Variants in PRR16 observed in about 807,000 individuals in gnomAD.
PRR16 encodes the protein proline rich 16, also known as protein Largen.
Under a neutral mutation model 18.2 loss-of-function variants are expected in PRR16, and 6 were observed. The ratio of observed to expected loss-of-function variants is 0.33; its 90% CI spans 0.18 to 0.65. The LOEUF is 0.65. Ranked by LOEUF, PRR16 falls within the 30% of genes least tolerant of loss-of-function variation. The probability of loss-of-function intolerance (pLI) is 0.74; values close to 1 mark genes in which losing one functional copy is unlikely to be tolerated. For missense variants in PRR16, 412 were observed against 376.6 expected, an observed-to-expected ratio of 1.09 and a Z score of -0.78; for synonymous variants, 151 against 147.8, an observed-to-expected ratio of 1.02 and a Z score of -0.16.
At chr5:120,538,855 C>G (rs1296783193) in intron 1 of PRR16, among the ~76,000 whole-genome samples, 1 of 152,178 alleles carries the variant, frequency 6.6e-6, no homozygotes, top group Non-Finnish European at 1.5e-5. Context: ...GCATGTGCAG[C>G]CTGCTTAGGG....
chr5:120,655,118 A>G (rs1755922389), intron 1 of PRR16, among the ~76,000 whole-genome samples: 1 of 152,048 alleles, frequency 6.6e-6, no homozygotes, highest in South Asian at 2.1e-4. Flanking sequence ...AAAGAGAAAT[A>G]AAATGATATT....
At position 120,551,604 on chromosome 5, in the gene PRR16, C is replaced by G. The variant is rs185614054; in HGVS notation, c.159+86959C>G. Among the ~76,000 whole-genome samples, 264 of 152,086 alleles carry G rather than the reference C, an allele frequency of 1.7e-3. 1 individual carries two copies. Among genetic ancestry groups the G allele is most frequent in the African/African-American group, 6.0e-3 (251 of 41,514 alleles). ...CTTAAAGTTAAGCTTTAGCAAATAT[C>G]ACTGTGTGTTAAATGCAATGTTTTC... On this transcript the variant is annotated intron_variant, in intron 1 of 1. Coordinates refer to ENST00000407149, the MANE Select transcript of PRR16 (RefSeq NM_001300783.2).
chr5:120,500,008 C>G (rs1750393634), intron 1 of PRR16, among the ~76,000 whole-genome samples: 2 of 151,812 alleles, frequency 1.3e-5, no homozygotes, highest in Admixed American at 1.3e-4. Flanking sequence ...TATTAACCTC[C>G]AGTCTCTATC....
At chr5:120,634,808 C>A (rs553551306) in intron 1 of PRR16, among the ~76,000 whole-genome samples, 14 of 151,810 alleles carry the variant, frequency 9.2e-5, no homozygotes, top group African/African-American at 3.4e-4. Context: ...AACAAAAATA[C>A]AACAGATCAA....
At chr5:120,627,519 A>G (rs1754906376) in intron 1 of PRR16, among the ~76,000 whole-genome samples, 1 of 152,082 alleles carries the variant, frequency 6.6e-6, no homozygotes, top group African/African-American at 2.4e-5. Flanking sequence ...GCATCTACCA[A>G]TAGACAGATG....
At chr5:120,722,833 A>G in the PRR16 span, among the ~76,000 whole-genome samples, 1 of 126,434 alleles carries the variant, frequency 7.9e-6, no homozygotes, top group African/African-American at 2.6e-5. Flanking sequence ...TAGCAATAGC[A>G]CCTGGAGTTG....
downstream of PRR16, among the ~76,000 whole-genome samples, chr5:120,687,762 G>A (rs902992186): frequency 1.3e-5 from 2 of 152,160 alleles, no homozygotes; most frequent in Non-Finnish European, 2.9e-5. Flanking sequence ...ACCATGGGCC[G>A]TTGCTGTCTT....
At chr5:120,640,852 A>G (rs1755398795) in intron 1 of PRR16, among the ~76,000 whole-genome samples, 1 of 152,172 alleles carries the variant, frequency 6.6e-6, no homozygotes, top group Non-Finnish European at 1.5e-5. Flanking sequence ...CTTTAAATTG[A>G]ACTGGCTTAT....
chr5:120,542,297 T>G (rs1174531420), intron 1 of PRR16, among the ~76,000 whole-genome samples: 1 of 152,208 alleles, frequency 6.6e-6, no homozygotes, highest in Non-Finnish European at 1.5e-5. Flanking sequence ...TATGGCATTC[T>G]CATCTTTATT....
chr5:120,541,577 G>A lies in PRR16; in HGVS notation c.159+76932G>A, dbSNP rs117218230. 2.2e-4 allele frequency among the ~76,000 whole-genome samples: 34 copies of A among 152,292 alleles called. 1 individual carries two copies. In the East Asian group the frequency reaches 6.4e-3, roughly 29 times the overall value. On this transcript the variant is annotated intron_variant, in intron 1 of 1. Transcript: ENST00000407149. ...GTGCATTCTACTTTCAAGAACTAAT[G>A]ACAAGCAATTAAATAATATATTCAG...
At chr5:120,516,001 G>A (rs1042359297) in intron 1 of PRR16, among the ~76,000 whole-genome samples, 4 of 151,962 alleles carry the variant, frequency 2.6e-5, no homozygotes, top group African/African-American at 9.7e-5. Context: ...TGACAATTTT[G>A]TGTAAACAAT....
chr5:120,588,968 G>A lies in PRR16; in HGVS notation c.160-96986G>A, dbSNP rs190659613. Among the ~76,000 whole-genome samples the A allele has an allele frequency of 1.5e-3, 234 of 151,708 alleles. 2 individuals carry two copies. The highest frequency in any genetic ancestry group is 5.4e-3 in the African/African-American group (224 of 41,358). ...GCCCAGTTCTACCATTAATTTCTAGGCAGAAAAGTCCTAGTAAACTTCCTG... is the reference window on the plus strand; with the variant it reads ...GCCCAGTTCTACCATTAATTTCTAGACAGAAAAGTCCTAGTAAACTTCCTG... On this transcript the variant is annotated intron_variant, in intron 1 of 1. Coordinates refer to ENST00000407149, the MANE Select transcript of PRR16 (RefSeq NM_001300783.2).
intron 1 of PRR16, among the ~76,000 whole-genome samples, chr5:120,615,215 C>T (rs1396823050): frequency 1.3e-5 from 2 of 152,048 alleles, no homozygotes; most frequent in African/African-American, 2.4e-5. Context: ...GAAATAGCCC[C>T]CAAGTACCTT....
the PRR16 span, among the ~76,000 whole-genome samples, chr5:120,700,615 A>G: frequency 5.9e-5 from 9 of 152,020 alleles, no homozygotes; most frequent in Admixed American, 2.6e-4. Context: ...TTAAAAGAGT[A>G]TTGTCCAAGT....
the PRR16 span, among the ~76,000 whole-genome samples, chr5:120,709,386 T>C: frequency 1.3e-5 from 2 of 152,296 alleles, no homozygotes; most frequent in Non-Finnish European, 2.9e-5. Flanking sequence ...TGTTCATATT[T>C]ATGGGGTACA....
chr5:120,625,061 T>C (rs956728678), intron 1 of PRR16, among the ~76,000 whole-genome samples: 1 of 152,190 alleles, frequency 6.6e-6, no homozygotes, highest in Non-Finnish European at 1.5e-5. Context: ...TTGCCCAGTC[T>C]TGCATATGTC....
At chr5:120,626,562 C>A (rs1754872118) in intron 1 of PRR16, among the ~76,000 whole-genome samples, 1 of 152,038 alleles carries the variant, frequency 6.6e-6, no homozygotes, top group Non-Finnish European at 1.5e-5. Context: ...TACTAAATAG[C>A]ATTTATCTAA....
At chr5:120,493,654 T>A (rs1324264462) in intron 1 of PRR16, among the ~76,000 whole-genome samples, 1 of 152,148 alleles carries the variant, frequency 6.6e-6, no homozygotes, top group Non-Finnish European at 1.5e-5. Flanking sequence ...GGATCTCTCC[T>A]ATTGCCCTTT....
At chr5:120,578,128 G>C (rs976819088) in intron 1 of PRR16, among the ~76,000 whole-genome samples, 2 of 152,200 alleles carry the variant, frequency 1.3e-5, no homozygotes, top group Admixed American at 1.3e-4. Context: ...CCAAATCCAA[G>C]GAAACCTTTT....
Sources: gnomAD v4.1 joint callset for allele counts (sites outside exome capture counted in the v4.1 genomes callset) on GRCh38, gnomAD v4.1.1 for gene constraint, MANE v1.5 for transcripts, NCBI Gene and HGNC (gene_info 2026-07-23, HGNC 2026-07-21) for gene names.